The following DEF6 variants were observed in gnomAD, a reference collection of about 807,000 sequenced individuals.
DEF6 encodes the protein DEF6 guanine nucleotide exchange factor.
In DEF6, 32 loss-of-function variants were observed where a neutral mutation model predicts 80.5. That is an observed-to-expected ratio of 0.40 (90% CI 0.30 to 0.53). The LOEUF (loss-of-function observed/expected upper bound fraction) is 0.53. Among genes scored for constraint, DEF6 ranks in the 20% least tolerant of loss-of-function variants. The pLI is 0.57. For synonymous variants in DEF6, 300 were observed against 337.9 expected (o/e 0.89, Z 1.23); for missense variants, 575 against 818.7 (o/e 0.70, Z 3.63).
At chr6:35,317,167 T>C (rs1036508652) in intron 5 of DEF6, among the ~76,000 whole-genome samples, 3 of 152,142 alleles carry the variant, frequency 2.0e-5, no homozygotes, top group African/African-American at 7.2e-5. Context: ...CTAGGATCTG[T>C]CTAATTTTGT....
At position 35,321,053 on chromosome 6, in the gene DEF6, C is replaced by T. The variant is rs979158126; in HGVS notation, c.1672+79C>T. On this transcript the variant is annotated intron_variant, in intron 10 of 10. Coordinates refer to ENST00000316637, the MANE Select transcript of DEF6 (RefSeq NM_022047.4). ...GGAGAAAGGTCTCCCTGGGAGACCT[C>T]CAGATCTCCCAGGGCCAGCAAAAGC... is the stretch of plus-strand genomic sequence containing the variant. The T allele has an allele frequency of 1.3e-4, 193 of 1,540,922 alleles. No homozygotes were observed. The East Asian group carries it at 4.1e-3, about 33-fold the overall frequency.
At chr6:35,299,526 T>G (rs1379609811) in intron 1 of DEF6, among the ~76,000 whole-genome samples, 1 of 152,116 alleles carries the variant, frequency 6.6e-6, no homozygotes, top group East Asian at 1.9e-4. Flanking sequence ...CAGTAAAGCC[T>G]CCTAGCTTGA....
chr6:35,300,835 G>A (rs913074757), intron 1 of DEF6, among the ~76,000 whole-genome samples: 80 of 152,292 alleles, frequency 5.3e-4, no homozygotes, highest in African/African-American at 1.7e-3. Context: ...AATGATGTGT[G>A]TCCTACTGAA....
Position 35,319,418 on chromosome 6 carries a change from A to C in DEF6, c.1216-106A>C. The C allele has an allele frequency of 1.3e-6, 1 of 788,304 alleles. No individual in the cohort carries two copies. 48.8% of individuals were successfully genotyped at this position (788,304 alleles called of 1,614,324 possible). On this transcript the variant is annotated intron_variant, in intron 7 of 10. Transcript: ENST00000316637. This position sits in a 1 kb window ranked among gnomAD's most constrained non-coding sequence, Gnocchi z 4.5. The stretch of plus-strand genomic sequence containing the variant: ...AAACCCCAACATGAAGGAGTTCCCC[A>C]GACCCTCACCCCTAGGCAGCTTAGC...
Position 35,321,640 on chromosome 6 carries a change from C to T in DEF6, c.*230C>T. On this transcript the variant is annotated 3_prime_UTR_variant, in exon 11 of 11. Coordinates refer to ENST00000316637, the MANE Select transcript of DEF6 (RefSeq NM_022047.4). Reference sequence around the variant, plus strand: ...GGATGTTGATCCTTGAGAACTTGGCCCTGTGCTTTAGACCCAAGGACCCGA... The same window carrying T: ...GGATGTTGATCCTTGAGAACTTGGCTCTGTGCTTTAGACCCAAGGACCCGA... The T allele has an allele frequency of 2.3e-6, 1 of 441,186 alleles. No homozygotes were observed. The highest frequency in any genetic ancestry group is 3.4e-5 in the East Asian group (1 of 29,132). 27.3% of individuals were successfully genotyped at this position (441,186 alleles called of 1,614,324 possible). A position where few individuals can be genotyped will look rare whatever the true frequency, so the allele number is the denominator to read the frequency against.
At chr6:35,302,674 G>A (rs1791330726) in intron 1 of DEF6, among the ~76,000 whole-genome samples, 1 of 152,182 alleles carries the variant, frequency 6.6e-6, no homozygotes, top group African/African-American at 2.4e-5. Flanking sequence ...TGGGTTTGTG[G>A]AGACTGTGGG....
In DEF6 at chr6:35,309,705, C is replaced by T. The variant is rs2150386730; in HGVS notation, c.132C>T (p.Ile44=). The T allele has an allele frequency of 6.2e-7, 1 of 1,613,994 alleles. No homozygotes were observed. Among genetic ancestry groups the T allele is most frequent in the East Asian group, 2.2e-5 (1 of 44,872 alleles). ...LSHNLYTVLH[I]PHDPVALEEH... is the part of the protein sequence containing the mutation. Reference sequence around the variant, plus strand: ...ACAACCTGTACACGGTCCTGCACATCCCCCATGACCCCGTGGCCCTGGAGG... The same window carrying T: ...ACAACCTGTACACGGTCCTGCACATTCCCCATGACCCCGTGGCCCTGGAGG... Residue 44 remains isoleucine (I), a synonymous_variant, in exon 2 of 11, where the codon ATC becomes ATT. Coordinates refer to ENST00000316637, the MANE Select transcript of DEF6 (RefSeq NM_022047.4).
chr6:35,299,799 G>A (rs1023756605), intron 1 of DEF6, among the ~76,000 whole-genome samples: 3 of 152,148 alleles, frequency 2.0e-5, no homozygotes, highest in East Asian at 1.9e-4. Context: ...AAGTGGGGGT[G>A]GGGCGGAAAT....
intron 2 of DEF6, 116 bp from the exon 3 acceptor site, chr6:35,310,343 C>A: frequency 9.0e-7 from 1 of 1,116,300 alleles, no homozygotes. Context: ...AGTTAGGGCC[C>A]TGGACTTGGC....
chr6:35,315,004 C>T (rs1485660650), intron 5 of DEF6, among the ~76,000 whole-genome samples: 1 of 152,114 alleles, frequency 6.6e-6, no homozygotes, highest in Middle Eastern at 3.2e-3. Flanking sequence ...TTAGTTTTCC[C>T]AGAACCATTT....
intron 5 of DEF6, chr6:35,313,398 T>C (rs546085389): frequency 7.3e-5 from 27 of 369,202 alleles, no homozygotes; most frequent in African/African-American, 4.4e-4. Context: ...AATACATTCA[T>C]ATATTTTATA....
At chr6:35,298,073 C>G (rs1791263552) in intron 1 of DEF6, 121 bp downstream of exon 1, 2 of 916,606 alleles carry the variant, frequency 2.2e-6, no homozygotes, top group Non-Finnish European at 3.4e-6. Flanking sequence ...GCGTCCCGGG[C>G]CTGGGGTCGG....
chr6:35,317,410 C>T (rs1418653404), intron 5 of DEF6, among the ~76,000 whole-genome samples: 1 of 152,178 alleles, frequency 6.6e-6, no homozygotes, highest in Non-Finnish European at 1.5e-5. Flanking sequence ...TATTATTTTC[C>T]ACAGAATGTA....
At position 35,308,803 on chromosome 6, in the gene DEF6, G is replaced by A. The variant is rs191702827; in HGVS notation, c.97-867G>A. 2.6e-5 allele frequency among the ~76,000 whole-genome samples: 4 copies of A among 151,902 alleles called. No homozygotes were observed. The East Asian group carries it at 7.7e-4, about 29-fold the overall frequency. On this transcript the variant is annotated intron_variant, in intron 1 of 10. Coordinates refer to ENST00000316637, the MANE Select transcript of DEF6 (RefSeq NM_022047.4). ...AATAAACCACCTCCTACAGTGACCG[G>A]CATATGGTAAGTGTGCAATAGTAAC...
chr6:35,313,714 C>A (rs1204278726), intron 5 of DEF6, among the ~76,000 whole-genome samples: 1 of 152,178 alleles, frequency 6.6e-6, no homozygotes. Flanking sequence ...AGTTGTTTTT[C>A]TGTGTTTGGC....
Position 35,319,743 on chromosome 6 carries a change from C to G in DEF6, c.1382+53C>G, listed in dbSNP as rs1016161698. 6.2e-7 allele frequency: 1 copy of G among 1,610,004 alleles called. No homozygotes were observed. The highest frequency in any genetic ancestry group is 1.3e-5 in the African/African-American group (1 of 74,828). On this transcript the variant is annotated intron_variant, in intron 8 of 10. Transcript: ENST00000316637. This position sits in a 1 kb window ranked among gnomAD's most constrained non-coding sequence, Gnocchi z 4.5. ...TCTCACCACCCCTCCTGGAACACAC[C>G]CCAGTTTTCCTGCTTGCTGTGCACC... is the stretch of plus-strand genomic sequence containing the variant.
chr6:35,321,044 G>A (rs1791584495), intron 10 of DEF6, 70 bp downstream of exon 10: 16 of 1,575,724 alleles, frequency 1.0e-5, no homozygotes, highest in Admixed American at 1.7e-5. Context: ...AGGTCTCCCT[G>A]GGAGACCTCC....
In DEF6 at chr6:35,312,343, G is replaced by A. The variant is rs1467786845; in HGVS notation, c.465G>A (p.Leu155=). The A allele has an allele frequency of 6.2e-7, 1 of 1,614,166 alleles. No homozygotes were observed. The highest frequency in any genetic ancestry group is 8.5e-7 in the Non-Finnish European group (1 of 1,180,020). Residue 155 remains leucine, a synonymous_variant, in exon 4 of 11, where the codon TTG becomes TTA. Transcript: ENST00000316637. This position sits in a 1 kb window ranked among gnomAD's most constrained non-coding sequence, Gnocchi z 6.6. ...AAAAGGTACTCAGCAGCATGAGCTT[G>A]GAGGTGAGCTTGGGTGAGCTGGAGG... ...LLKKVLSSMS[L]EVSLGELEEL...
Position 35,312,255 on chromosome 6 carries a change from G to A in DEF6, c.424-47G>A, listed in dbSNP as rs1432993411. 2 of 1,543,234 alleles carry A rather than the reference G, an allele frequency of 1.3e-6. No homozygotes were observed. Among genetic ancestry groups the A allele is most frequent in the Non-Finnish European group, 1.8e-6 (2 of 1,121,266 alleles). ...AGAGCACTCCCTGGTGTTGGTGCTG[G>A]CAACACCACCTGCTGCAGCTACCAG... On this transcript the variant is annotated intron_variant, in intron 3 of 10. Transcript: ENST00000316637. This position sits in a 1 kb window ranked among gnomAD's most constrained non-coding sequence, Gnocchi z 6.6.
Sources: gnomAD v4.1 joint callset for allele counts (sites outside exome capture counted in the v4.1 genomes callset) on GRCh38, gnomAD v4.1.1 for gene constraint, Gnocchi (gnomAD v3.1) non-coding constraint, MANE v1.5 for transcripts, NCBI Gene and HGNC (gene_info 2026-07-23, HGNC 2026-07-21) for gene names.